GALNTL6: variants seen among roughly 807,000 people sequenced by gnomAD.
GALNTL6 encodes polypeptide N-acetylgalactosaminyltransferase-like 6.
GALNTL6 carries 46 observed loss-of-function variants against 73.7 expected under a neutral mutation model. The ratio of observed to expected loss-of-function variants is 0.62; its 90% CI spans 0.49 to 0.80. The LOEUF is 0.80. Among genes scored for constraint, GALNTL6 ranks in the 30% least tolerant of loss-of-function variants. The pLI, the probability that GALNTL6 is intolerant of heterozygous loss-of-function variation, is 0.00. For synonymous variants in GALNTL6, 259 were observed against 263.7 expected (o/e 0.98, Z 0.17); for missense variants, 604 against 755.0 (o/e 0.80, Z 2.34).
chr4:171,850,253 T>C (rs576177201), intron 2 of GALNTL6, among the ~76,000 whole-genome samples: 1 of 152,294 alleles, frequency 6.6e-6, no homozygotes, highest in East Asian at 1.9e-4. Flanking sequence ...ATTAAAAATT[T>C]AACATTTAAA....
At chr4:172,812,708 G>A (rs1270075701) in intron 6 of GALNTL6, among the ~76,000 whole-genome samples, 1 of 152,044 alleles carries the variant, frequency 6.6e-6, no homozygotes, top group Non-Finnish European at 1.5e-5. Flanking sequence ...GTTGCATCTT[G>A]GTTGTTGCTC....
intron 5 of GALNTL6, among the ~76,000 whole-genome samples, chr4:172,525,646 T>G (rs1398263601): frequency 6.6e-6 from 1 of 152,158 alleles, no homozygotes; most frequent in Non-Finnish European, 1.5e-5. Context: ...GAGGACCGTT[T>G]GAGCCCAGAA....
intron 3 of GALNTL6, among the ~76,000 whole-genome samples, chr4:172,250,286 T>C (rs1285871754): frequency 2.0e-5 from 3 of 152,106 alleles, no homozygotes; most frequent in Non-Finnish European, 4.4e-5. Context: ...CCATTGTATC[T>C]AGGAAGTAAT....
chr4:171,966,647 G>A (rs13434610), intron 2 of GALNTL6, among the ~76,000 whole-genome samples: 3,925 of 152,242 alleles, frequency 0.026, 160 homozygotes, highest in African/African-American at 0.09. Context: ...TTATCTTTGA[G>A]AGCCTCTGCA....
chr4:171,904,042 GA>G (rs1378664793), intron 2 of GALNTL6, among the ~76,000 whole-genome samples: 3 of 152,030 alleles, frequency 2.0e-5, no homozygotes, highest in Non-Finnish European at 2.9e-5. Context: ...CAAAGATGGG[GA>G]AAAAACAGAG....
At chr4:172,877,064 G>A (rs2111178441) in intron 7 of GALNTL6, among the ~76,000 whole-genome samples, 1 of 152,262 alleles carries the variant, frequency 6.6e-6, no homozygotes, top group South Asian at 2.1e-4. Context: ...TGAAATGAAT[G>A]GAAATTGTGA....
At chr4:172,089,872 C>T (rs1227166066) in intron 2 of GALNTL6, among the ~76,000 whole-genome samples, 2 of 152,066 alleles carry the variant, frequency 1.3e-5, no homozygotes, top group African/African-American at 4.8e-5. Context: ...TCCCAAAAGG[C>T]CCCAGTGTGT....
At chr4:171,840,234 A>G (rs1735204254) in intron 2 of GALNTL6, among the ~76,000 whole-genome samples, 1 of 152,300 alleles carries the variant, frequency 6.6e-6, no homozygotes, top group Non-Finnish European at 1.5e-5. Context: ...CCAATATTTA[A>G]TTTTACTTTT....
intron 2 of GALNTL6, among the ~76,000 whole-genome samples, chr4:171,849,058 T>C (rs1735451018): frequency 6.6e-6 from 1 of 152,188 alleles, no homozygotes; most frequent in Non-Finnish European, 1.5e-5. Context: ...AACTTTTCCT[T>C]TGCATTCACA....
intron 2 of GALNTL6, among the ~76,000 whole-genome samples, chr4:171,880,169 C>T (rs1314347923): frequency 6.6e-6 from 1 of 152,108 alleles, no homozygotes; most frequent in Non-Finnish European, 1.5e-5. Flanking sequence ...ATTAACATTT[C>T]CCTTGGTCTT....
chr4:172,783,534 A>G (rs1302396736), intron 5 of GALNTL6, among the ~76,000 whole-genome samples: 1 of 149,182 alleles, frequency 6.7e-6, no homozygotes, highest in African/African-American at 2.4e-5. Context: ...AATAGTAATA[A>G]TATTAATAGT....
At chr4:172,999,983 T>C (rs1751974554) in intron 10 of GALNTL6, among the ~76,000 whole-genome samples, 1 of 152,110 alleles carries the variant, frequency 6.6e-6, no homozygotes. Flanking sequence ...CTAAATCCCT[T>C]ATCTTGATAT....
chr4:172,651,635 A>C (rs1740481341), intron 5 of GALNTL6, among the ~76,000 whole-genome samples: 1 of 152,222 alleles, frequency 6.6e-6, no homozygotes, highest in Admixed American at 6.5e-5. Flanking sequence ...CAAACCATAC[A>C]TTGTAAGTTG....
chr4:172,261,329 C>A (rs1305542028), intron 3 of GALNTL6, among the ~76,000 whole-genome samples: 1 of 151,424 alleles, frequency 6.6e-6, no homozygotes, highest in Non-Finnish European at 1.5e-5. Flanking sequence ...CTGATTTAAT[C>A]TAGGAGGGTT....
intron 2 of GALNTL6, among the ~76,000 whole-genome samples, chr4:171,887,992 T>A (rs1350830969): frequency 6.6e-6 from 1 of 151,252 alleles, no homozygotes; most frequent in Non-Finnish European, 1.5e-5. Context: ...AAGAGTACTT[T>A]GTAGAATTGA....
At chr4:172,020,377 T>C (rs1014915445) in intron 2 of GALNTL6, among the ~76,000 whole-genome samples, 7 of 96,202 alleles carry the variant, frequency 7.3e-5, no homozygotes, top group African/African-American at 4.0e-4. Flanking sequence ...AAAGGTTGCT[T>C]TTTTTTTTTG....
chr4:172,150,717 G>A lies in GALNTL6; in HGVS notation c.139-78939G>A, dbSNP rs185996519. Reference sequence around the variant, plus strand: ...GATGAAGTTGGTCCCTGGGCAGTAGGGAGAAGAGGATCAGTGGAGGTATAC... The same window carrying A: ...GATGAAGTTGGTCCCTGGGCAGTAGAGAGAAGAGGATCAGTGGAGGTATAC... On this transcript the variant is annotated intron_variant, in intron 2 of 12. Transcript: ENST00000506823. Among the ~76,000 whole-genome samples the A allele has an allele frequency of 5.3e-5, 8 of 152,218 alleles. No homozygotes were observed. In the East Asian group the frequency reaches 1.4e-3, roughly 26 times the overall value.
chr4:172,854,446 C>T (rs1452570846), intron 7 of GALNTL6, among the ~76,000 whole-genome samples: 7 of 152,108 alleles, frequency 4.6e-5, no homozygotes, highest in African/African-American at 1.7e-4. Context: ...TAAATTTCAG[C>T]CAGCTGTGTG....
rs118183022 is a variant in GALNTL6 at position 171,861,269 on chromosome 4, A to G, written c.138+46551A>G. ...CACAGTGTGTGCTACTTCTGGTTCAATGCTTTAAAATTATACCCATATAAT... is the reference window on the plus strand; with the variant it reads ...CACAGTGTGTGCTACTTCTGGTTCAGTGCTTTAAAATTATACCCATATAAT... On this transcript the variant is annotated intron_variant, in intron 2 of 12. Coordinates refer to ENST00000506823, the MANE Select transcript of GALNTL6 (RefSeq NM_001034845.3). Among the ~76,000 whole-genome samples the G allele has an allele frequency of 2.5e-4, 38 of 152,254 alleles. No individual in the cohort carries two copies. In the East Asian group the frequency reaches 7.0e-3, roughly 28 times the overall value.
Sources: gnomAD v4.1 joint callset for allele counts (sites outside exome capture counted in the v4.1 genomes callset) on GRCh38, gnomAD v4.1.1 for gene constraint, MANE v1.5 for transcripts, NCBI Gene and HGNC (gene_info 2026-07-23, HGNC 2026-07-21) for gene names.